Variants in CACNA2D1 observed in about 807,000 individuals in gnomAD.
CACNA2D1 encodes voltage-dependent calcium channel subunit alpha-2/delta-1.
Under a neutral mutation model 171.5 loss-of-function variants are expected in CACNA2D1, and 53 were observed. The ratio of observed to expected loss-of-function variants is 0.31; its 90% CI spans 0.25 to 0.39. The LOEUF (loss-of-function observed/expected upper bound fraction) is 0.39, where lower values mean the gene tolerates loss of function less well. CACNA2D1 is among the 10% of genes least tolerant of loss of function. The probability of loss-of-function intolerance (pLI) is 1.00; values close to 1 mark genes in which losing one functional copy is unlikely to be tolerated. For synonymous variants in CACNA2D1, 442 were observed against 443.1 expected (o/e 1.00, Z 0.03); for missense variants, 903 against 1,299.8 (o/e 0.69, Z 4.69).
chr7:82,149,729 C>A (rs986470334), intron 4 of CACNA2D1, among the ~76,000 whole-genome samples: 4 of 151,246 alleles, frequency 2.6e-5, no homozygotes, highest in African/African-American at 9.7e-5. Flanking sequence ...GAGATCGAGA[C>A]CACCCTGGCT....
At chr7:82,135,345 A>G (rs75207456) in intron 5 of CACNA2D1, among the ~76,000 whole-genome samples, 3,660 of 152,222 alleles carry the variant, frequency 0.024, 136 homozygotes, top group African/African-American at 0.083. Flanking sequence ...TTATTTTGAT[A>G]TCAATAAACC....
At chr7:82,034,390 T>C (rs1168652626) in intron 11 of CACNA2D1, among the ~76,000 whole-genome samples, 1 of 152,138 alleles carries the variant, frequency 6.6e-6, no homozygotes, top group Non-Finnish European at 1.5e-5. Context: ...TTTTTCTTTA[T>C]TAATGAAAAG....
intron 28 of CACNA2D1, 117 bp downstream of exon 28, chr7:81,969,764 A>G: frequency 2.9e-6 from 2 of 683,482 alleles, no homozygotes; most frequent in Non-Finnish European, 5.2e-6. Flanking sequence ...TCTATTTTTA[A>G]TGATGACTAT....
Position 82,066,528 on chromosome 7 carries a change from A to AG in CACNA2D1, c.659-5_659-4insC, listed in dbSNP as rs1396180739. 2.5e-6 allele frequency: 1 copy of AG among 404,096 alleles called. No individual in the cohort carries two copies. Among genetic ancestry groups the AG allele is most frequent in the Non-Finnish European group, 3.9e-6 (1 of 257,590 alleles). 25.0% of individuals were successfully genotyped at this position (404,096 alleles called of 1,614,324 possible). On this transcript the variant is annotated splice_polypyrimidine_tract_variant and splice_region_variant and intron_variant, in intron 7 of 38. Transcript: ENST00000356860. ...CTATTATCAACCCATGGTGAAGCTA[A>AG]AAAAAAAAAAAAAAGAGAGATATTA... is the stretch of plus-strand genomic sequence containing the variant.
In CACNA2D1 at chr7:82,294,477, C is replaced by T. The variant is rs140686945; in HGVS notation, c.294+40658G>A. Among the ~76,000 whole-genome samples, 1,421 of 152,118 alleles carry T rather than the reference C, an allele frequency of 9.3e-3. 23 individuals carry two copies. Among genetic ancestry groups the T allele is most frequent in the African/African-American group, 0.031 (1,306 of 41,496 alleles). ...ACTATAATTAAGTTTTCTGCTGCAA[C>T]AGAAATATGACTTTTTGTACTCTGA... is the stretch of plus-strand genomic sequence containing the variant. On this transcript the variant is annotated intron_variant, in intron 3 of 38. Coordinates refer to ENST00000356860, the MANE Select transcript of CACNA2D1 (RefSeq NM_000722.4).
At chr7:82,325,631 A>C (rs17177855) in intron 3 of CACNA2D1, among the ~76,000 whole-genome samples, 23,792 of 152,120 alleles carry the variant, frequency 0.16, 2,025 homozygotes, top group South Asian at 0.28. Flanking sequence ...AGAATTCCAG[A>C]CCAAATCTCT....
chr7:82,140,416 T>C (rs1792229582), intron 4 of CACNA2D1, among the ~76,000 whole-genome samples: 1 of 152,184 alleles, frequency 6.6e-6, no homozygotes. Flanking sequence ...TTTTCATTCA[T>C]AGCATATACA....
At chr7:82,250,801 G>C (rs1057128572) in intron 3 of CACNA2D1, among the ~76,000 whole-genome samples, 1 of 151,880 alleles carries the variant, frequency 6.6e-6, no homozygotes, top group African/African-American at 2.4e-5. Flanking sequence ...TGGTTTACTG[G>C]TAATTTCAAA....
intron 3 of CACNA2D1, among the ~76,000 whole-genome samples, chr7:82,191,807 A>T (rs563962984): frequency 1.3e-5 from 2 of 151,980 alleles, no homozygotes; most frequent in Admixed American, 6.6e-5. Flanking sequence ...TCAAAAAAAG[A>T]GAAAAAGTGA....
At position 81,951,588 on chromosome 7, in the gene CACNA2D1, C is replaced by T. The variant is rs902012834; in HGVS notation, c.3160-1080G>A. ...GCTCCCACTTAGAAGTTAGAACATA[C>T]AATATTTGGTTTTCCATTCATGAGT... On this transcript the variant is annotated intron_variant, in intron 38 of 38. Transcript: ENST00000356860. 1.4e-4 allele frequency among the ~76,000 whole-genome samples: 22 copies of T among 152,156 alleles called. No individual in the cohort carries two copies. The South Asian group carries it at 2.7e-3, about 19-fold the overall frequency.
chr7:82,421,027 CT>C (rs1296636917), intron 1 of CACNA2D1, among the ~76,000 whole-genome samples: 3 of 152,102 alleles, frequency 2.0e-5, no homozygotes, highest in Non-Finnish European at 2.9e-5. Flanking sequence ...TTAAAAAGCC[CT>C]TGTGCTTTAT....
chr7:82,326,337 A>G (rs1298090612), intron 3 of CACNA2D1, among the ~76,000 whole-genome samples: 1 of 152,138 alleles, frequency 6.6e-6, no homozygotes, highest in African/African-American at 2.4e-5. Flanking sequence ...GTGTCATTTA[A>G]AGTCACAGTT....
chr7:82,050,219 T>C (rs1268906575), intron 10 of CACNA2D1: 1 of 208,316 alleles, frequency 4.8e-6, no homozygotes. Flanking sequence ...CTGGTATTAG[T>C]TGGTGTTAAA....
intron 6 of CACNA2D1, among the ~76,000 whole-genome samples, chr7:82,102,331 G>A (rs1006789031): frequency 6.6e-6 from 1 of 151,996 alleles, no homozygotes; most frequent in African/African-American, 2.4e-5. Context: ...AGCAGAGGAA[G>A]CCAGATTTAA....
chr7:81,982,509 C>T (rs900306721), intron 24 of CACNA2D1, 58 bp downstream of exon 24: 5 of 920,398 alleles, frequency 5.4e-6, no homozygotes, highest in Non-Finnish European at 9.1e-6. Flanking sequence ...CAATTCTGAA[C>T]TACTGTTGAA....
intron 24 of CACNA2D1, among the ~76,000 whole-genome samples, chr7:81,974,793 G>C (rs1359508273): frequency 2.0e-5 from 3 of 151,870 alleles, no homozygotes; most frequent in Non-Finnish European, 4.4e-5. Context: ...ATAAGTTTTG[G>C]TGTAGTTATA....
chr7:82,009,531 A>G (rs1054930571), intron 15 of CACNA2D1, among the ~76,000 whole-genome samples: 8 of 152,130 alleles, frequency 5.3e-5, no homozygotes, highest in Non-Finnish European at 8.8e-5. Flanking sequence ...TGTCTGTTAG[A>G]GCTATAATCT....
intron 12 of CACNA2D1, among the ~76,000 whole-genome samples, chr7:82,032,343 G>C (rs1802804106): frequency 6.6e-6 from 1 of 151,778 alleles, no homozygotes; most frequent in African/African-American, 2.4e-5. Flanking sequence ...TTTTGCTGTT[G>C]TAAACTGCCT....
chr7:81,950,113 A>C lies in CACNA2D1; in HGVS notation c.*279T>G. The C allele has an allele frequency of 2.2e-6, 1 of 456,532 alleles. No homozygotes were observed. 28.3% of individuals were successfully genotyped at this position (456,532 alleles called of 1,614,324 possible). ...TTTCACATGTAATCACCAACAATGC[A>C]ACAACAAACTCCCAAATTTTCCAAT... On this transcript the variant is annotated 3_prime_UTR_variant, in exon 39 of 39. Coordinates refer to ENST00000356860, the MANE Select transcript of CACNA2D1 (RefSeq NM_000722.4).
Sources: gnomAD v4.1 joint callset for allele counts (sites outside exome capture counted in the v4.1 genomes callset) on GRCh38, gnomAD v4.1.1 for gene constraint, MANE v1.5 for transcripts, NCBI Gene and HGNC (gene_info 2026-07-23, HGNC 2026-07-21) for gene names.